The following TNPO3 variants were observed in gnomAD, a reference collection of about 807,000 sequenced individuals.
TNPO3 encodes transportin-3.
In TNPO3, 65 loss-of-function variants were observed where a neutral mutation model predicts 122.8. That is an observed-to-expected ratio of 0.53 (90% CI 0.43 to 0.65). The LOEUF is 0.65. Among genes scored for constraint, TNPO3 ranks in the 30% least tolerant of loss-of-function variants. The probability of loss-of-function intolerance (pLI) is 0.00; values close to 1 mark genes in which losing one functional copy is unlikely to be tolerated. For missense variants in TNPO3, 850 were observed against 1,136.7 expected, an observed-to-expected ratio of 0.75 and a Z score of 3.63; for synonymous variants, 372 against 411.2, an observed-to-expected ratio of 0.90 and a Z score of 1.15.
chr7:128,994,946 C>T (rs1419087356), intron 8 of TNPO3, among the ~76,000 whole-genome samples: 2 of 152,126 alleles, frequency 1.3e-5, no homozygotes, highest in Non-Finnish European at 2.9e-5. Flanking sequence ...GCATGAGCCA[C>T]GTGCCTGGCC....
intron 1 of TNPO3, among the ~76,000 whole-genome samples, chr7:129,036,899 T>C (rs1806753255): frequency 6.6e-6 from 1 of 152,092 alleles, no homozygotes; most frequent in African/African-American, 2.4e-5. Context: ...AATTATAGAT[T>C]GCTATGCTTG....
chr7:129,035,816 C>G (rs538088157), intron 1 of TNPO3, among the ~76,000 whole-genome samples: 1 of 152,140 alleles, frequency 6.6e-6, no homozygotes, highest in African/African-American at 2.4e-5. Flanking sequence ...CAGTATTCTT[C>G]CAAAAAATGT....
At chr7:129,017,728 C>T (rs1239448835) in intron 2 of TNPO3, among the ~76,000 whole-genome samples, 1 of 152,204 alleles carries the variant, frequency 6.6e-6, no homozygotes, top group Non-Finnish European at 1.5e-5. Context: ...CCTGTGAAAA[C>T]ACATACTCAC....
chr7:129,007,830 A>G (rs1802738782), intron 4 of TNPO3, among the ~76,000 whole-genome samples: 1 of 152,228 alleles, frequency 6.6e-6, no homozygotes, highest in African/African-American at 2.4e-5. Flanking sequence ...AGAGGCACAG[A>G]GTAAATATCC....
At chr7:128,995,786 C>A (rs1226200916) in intron 8 of TNPO3, among the ~76,000 whole-genome samples, 1 of 152,176 alleles carries the variant, frequency 6.6e-6, no homozygotes, top group Non-Finnish European at 1.5e-5. Context: ...GCAACCTCCA[C>A]CTCCTGGGTT....
At chr7:129,043,313 C>T (rs1208495947) in intron 1 of TNPO3, among the ~76,000 whole-genome samples, 1 of 151,818 alleles carries the variant, frequency 6.6e-6, no homozygotes, top group Admixed American at 6.6e-5. Context: ...GGGTAGGGGA[C>T]TGAGGTGGGA....
At chr7:129,029,197 G>A (rs1050863111) in intron 1 of TNPO3, 1 of 168,230 alleles carries the variant, frequency 5.9e-6, no homozygotes, top group Non-Finnish European at 1.3e-5. Flanking sequence ...TGCAGATTCT[G>A]GGGATGCCCC....
chr7:129,017,312 C>T (rs1803960743), intron 2 of TNPO3, among the ~76,000 whole-genome samples: 1 of 152,094 alleles, frequency 6.6e-6, no homozygotes, highest in Non-Finnish European at 1.5e-5. Context: ...AAACAACAGA[C>T]TATAGACATT....
In TNPO3 at chr7:129,014,960, G is replaced by A. The variant is rs752218522; in HGVS notation, c.552+19C>T. 2.6e-6 allele frequency: 4 copies of A among 1,550,112 alleles called. No homozygotes were observed. The highest frequency in any genetic ancestry group is 2.8e-5 in the African/African-American group (2 of 71,096). On this transcript the variant is annotated intron_variant, in intron 4 of 22. Coordinates refer to ENST00000265388, the MANE Select transcript of TNPO3 (RefSeq NM_012470.4). ...CTTTCTGCCTTTATGCAGCAACTTA[G>A]TATTTCAAACTTACTCACCAATAGA...
At chr7:129,042,619 A>C (rs1317227733) in intron 1 of TNPO3, among the ~76,000 whole-genome samples, 1 of 152,178 alleles carries the variant, frequency 6.6e-6, no homozygotes, top group Admixed American at 6.5e-5. Flanking sequence ...AAACGAGATA[A>C]ATTGCTAGAT....
chr7:128,988,016 C>T (rs996044195), intron 11 of TNPO3, among the ~76,000 whole-genome samples: 2 of 152,082 alleles, frequency 1.3e-5, no homozygotes, highest in African/African-American at 4.8e-5. Context: ...CTCAGTCACC[C>T]AGGCTGGAGT....
At chr7:128,970,459 T>C (rs1350044368) in intron 19 of TNPO3, 144 bp from the exon 20 acceptor site, 1 of 656,418 alleles carries the variant, frequency 1.5e-6, no homozygotes, top group East Asian at 3.1e-5. Flanking sequence ...TGTATGCAGG[T>C]GTGTGTAAAA....
Position 128,972,789 on chromosome 7 carries a change from T to C in TNPO3, c.2274-207A>G, listed in dbSNP as rs1475958514. On this transcript the variant is annotated intron_variant, in intron 18 of 22. Transcript: ENST00000265388. ...ATACTATAACAGTGGATACATGTCA[T>C]TACACATTTGTCAAAACCCACAGAA... Among the ~76,000 whole-genome samples the C allele has an allele frequency of 2.0e-5, 3 of 152,156 alleles. No individual in the cohort carries two copies. In the East Asian group the frequency reaches 5.8e-4, roughly 29 times the overall value.
chr7:128,960,313 T>TA (rs1221812290), intron 21 of TNPO3, among the ~76,000 whole-genome samples: 4 of 152,174 alleles, frequency 2.6e-5, no homozygotes, highest in Non-Finnish European at 5.9e-5. Context: ...ATCATTAATT[T>TA]AGAGTATATT....
intron 1 of TNPO3, among the ~76,000 whole-genome samples, chr7:129,053,493 T>TC (rs1416137291): frequency 2.2e-5 from 2 of 92,950 alleles, no homozygotes; most frequent in East Asian, 6.0e-4. Context: ...AGACTCTGTC[T>TC]CAAAAAAAAA....
chr7:128,987,177 G>A (rs1563094311), intron 11 of TNPO3, among the ~76,000 whole-genome samples: 1 of 152,118 alleles, frequency 6.6e-6, no homozygotes, highest in Non-Finnish European at 1.5e-5. Context: ...AACTCCCAGG[G>A]ATTCACAGAG....
chr7:128,980,671 C>T (rs1346495015), intron 14 of TNPO3, among the ~76,000 whole-genome samples: 1 of 152,158 alleles, frequency 6.6e-6, no homozygotes, highest in Non-Finnish European at 1.5e-5. Flanking sequence ...GCCTGGGCAA[C>T]AAGCGGATGA....
chr7:128,964,333 CTTTTTTTTTTT>C (rs35667373), intron 21 of TNPO3, among the ~76,000 whole-genome samples: 6 of 120,662 alleles, frequency 5.0e-5, no homozygotes, highest in African/African-American at 1.2e-4. Flanking sequence ...CCAAAACAAT[CTTTTTTTTTTT>C]TTTTTTTTTG....
At chr7:129,023,420 G>A (rs1584579065) in intron 1 of TNPO3, among the ~76,000 whole-genome samples, 1 of 151,922 alleles carries the variant, frequency 6.6e-6, no homozygotes, top group East Asian at 1.9e-4. Flanking sequence ...TCCACTGAAA[G>A]CCCTAAACAT....
Sources: gnomAD v4.1 joint callset for allele counts (sites outside exome capture counted in the v4.1 genomes callset) on GRCh38, gnomAD v4.1.1 for gene constraint, MANE v1.5 for transcripts, NCBI Gene and HGNC (gene_info 2026-07-23, HGNC 2026-07-21) for gene names.